Variants in HS6ST3 observed in about 807,000 individuals in gnomAD.
HS6ST3 encodes the protein heparan sulfate 6-O-sulfotransferase 3, also known as heparan-sulfate 6-O-sulfotransferase 3.
In HS6ST3, 12 loss-of-function variants were observed where a neutral mutation model predicts 36.7. The observed-to-expected ratio is 0.33, with a 90% CI of 0.21 to 0.53. The LOEUF is 0.53. Among genes scored for constraint, HS6ST3 ranks in the 20% least tolerant of loss-of-function variants. HS6ST3 has a pLI of 0.95. For synonymous variants in HS6ST3, 240 were observed against 257.5 expected (o/e 0.93, Z 0.65); for missense variants, 584 against 640.9 (o/e 0.91, Z 0.96).
At chr13:96,608,448 T>C (rs933828721) in intron 1 of HS6ST3, among the ~76,000 whole-genome samples, 1 of 152,210 alleles carries the variant, frequency 6.6e-6, no homozygotes, top group African/African-American at 2.4e-5. Flanking sequence ...CTAATAGTCA[T>C]GACAAAAGAT....
chr13:96,170,983 A>T (rs2054184957), intron 1 of HS6ST3, among the ~76,000 whole-genome samples: 2 of 152,212 alleles, frequency 1.3e-5, no homozygotes, highest in Non-Finnish European at 2.9e-5. Flanking sequence ...AAATTATTTT[A>T]AAAATGTTTG....
At chr13:96,325,587 T>G (rs2055026701) in intron 1 of HS6ST3, among the ~76,000 whole-genome samples, 1 of 151,698 alleles carries the variant, frequency 6.6e-6, no homozygotes, top group South Asian at 2.1e-4. Flanking sequence ...GTGTGTAGAT[T>G]ATATGCAAAT....
intron 1 of HS6ST3, among the ~76,000 whole-genome samples, chr13:96,688,725 A>T (rs1049682221): frequency 2.6e-5 from 4 of 152,090 alleles, no homozygotes; most frequent in Admixed American, 1.3e-4. Context: ...ATATATTTAT[A>T]ATCTTCATTA....
At chr13:96,325,434 A>G (rs933711679) in intron 1 of HS6ST3, among the ~76,000 whole-genome samples, 1 of 152,200 alleles carries the variant, frequency 6.6e-6, no homozygotes, top group South Asian at 2.1e-4. Flanking sequence ...ATTAAAAATA[A>G]CAATACGACA....
At chr13:96,478,736 A>G (rs1243966131) in intron 1 of HS6ST3, among the ~76,000 whole-genome samples, 2 of 152,204 alleles carry the variant, frequency 1.3e-5, no homozygotes, top group Non-Finnish European at 2.9e-5. Context: ...CGTCATGCAG[A>G]TACTACGATT....
intron 1 of HS6ST3, among the ~76,000 whole-genome samples, chr13:96,459,197 G>A (rs1317823479): frequency 6.6e-6 from 1 of 151,300 alleles, no homozygotes; most frequent in Admixed American, 6.6e-5. Context: ...CTGGGATGTG[G>A]TAGTAGGTAC....
chr13:96,222,574 T>C (rs932977809), intron 1 of HS6ST3, among the ~76,000 whole-genome samples: 1 of 152,242 alleles, frequency 6.6e-6, no homozygotes, highest in African/African-American at 2.4e-5. Context: ...TAAGTGGGCT[T>C]AGTTTTGTTA....
intron 1 of HS6ST3, among the ~76,000 whole-genome samples, chr13:96,755,965 G>A (rs531652232): frequency 1.8e-4 from 27 of 152,220 alleles, no homozygotes; most frequent in African/African-American, 6.5e-4. Context: ...CGTACCATTT[G>A]CTTCACATTC....
intron 1 of HS6ST3, among the ~76,000 whole-genome samples, chr13:96,227,308 T>G (rs2139365610): frequency 6.6e-6 from 1 of 152,352 alleles, no homozygotes; most frequent in Non-Finnish European, 1.5e-5. Context: ...AAAACAGGTG[T>G]CATTTTGATA....
At chr13:96,373,045 C>G (rs1284908952) in intron 1 of HS6ST3, among the ~76,000 whole-genome samples, 1 of 152,144 alleles carries the variant, frequency 6.6e-6, no homozygotes, top group East Asian at 1.9e-4. Context: ...TCTGTTGGCT[C>G]CAGGTCTTCC....
At chr13:96,251,144 G>A (rs368780205) in intron 1 of HS6ST3, among the ~76,000 whole-genome samples, 4 of 152,136 alleles carry the variant, frequency 2.6e-5, no homozygotes, top group South Asian at 2.1e-4. Flanking sequence ...CTTTGGAAGC[G>A]TTTTAGAGGA....
chr13:96,527,977 T>C (rs1366292229), intron 1 of HS6ST3, among the ~76,000 whole-genome samples: 1 of 152,202 alleles, frequency 6.6e-6, no homozygotes, highest in East Asian at 1.9e-4. Flanking sequence ...TAAACTCTTG[T>C]AGTCCCTATA....
intron 1 of HS6ST3, among the ~76,000 whole-genome samples, chr13:96,704,521 G>A (rs1393006311): frequency 1.3e-5 from 2 of 152,180 alleles, no homozygotes; most frequent in Non-Finnish European, 2.9e-5. Context: ...ATGGTTGAAT[G>A]TACATAGAAG....
chr13:96,328,432 A>G (rs2055045053), intron 1 of HS6ST3, among the ~76,000 whole-genome samples: 1 of 151,976 alleles, frequency 6.6e-6, no homozygotes, highest in African/African-American at 2.4e-5. Context: ...GCATCTATTG[A>G]GATAATCATG....
chr13:96,424,124 C>T (rs1954535603), intron 1 of HS6ST3, among the ~76,000 whole-genome samples: 1 of 152,104 alleles, frequency 6.6e-6, no homozygotes, highest in Non-Finnish European at 1.5e-5. Context: ...TTACAATGAC[C>T]ATATTTATTA....
chr13:96,164,014 C>T (rs1339892267), intron 1 of HS6ST3, among the ~76,000 whole-genome samples: 2 of 152,144 alleles, frequency 1.3e-5, no homozygotes, highest in East Asian at 1.9e-4. Flanking sequence ...CACTGATGCC[C>T]CAGGAATGAT....
At chr13:96,344,820 T>C (rs1411903027) in intron 1 of HS6ST3, among the ~76,000 whole-genome samples, 1 of 152,222 alleles carries the variant, frequency 6.6e-6, no homozygotes, top group Non-Finnish European at 1.5e-5. Flanking sequence ...AACCTGCTGA[T>C]TGAGGTATTA....
chr13:96,568,046 A>G (rs1221759307), intron 1 of HS6ST3, among the ~76,000 whole-genome samples: 2 of 152,198 alleles, frequency 1.3e-5, no homozygotes, highest in Non-Finnish European at 2.9e-5. Flanking sequence ...GCCATTTTGG[A>G]AAGTAATTTG....
At chr13:96,744,259 A>G (rs890743758) in intron 1 of HS6ST3, among the ~76,000 whole-genome samples, 2 of 152,032 alleles carry the variant, frequency 1.3e-5, no homozygotes, top group Admixed American at 6.6e-5. Flanking sequence ...TCAAATTACA[A>G]GTCAGTTTGC....
Sources: allele counts gnomAD v4.1 joint callset (sites outside exome capture counted in the v4.1 genomes callset), GRCh38; gene constraint gnomAD v4.1.1; transcripts MANE v1.5; gene names NCBI Gene and HGNC (gene_info 2026-07-23, HGNC 2026-07-21).